Variants in ALDH4A1 observed in about 807,000 individuals in gnomAD.
The protein encoded by ALDH4A1 is delta-1-pyrroline-5-carboxylate dehydrogenase, mitochondrial.
Under a neutral mutation model 70.5 loss-of-function variants are expected in ALDH4A1, and 46 were observed. The ratio of observed to expected loss-of-function variants is 0.65; its 90% CI spans 0.51 to 0.83. The LOEUF is 0.83. ALDH4A1 is among the 40% of genes least tolerant of loss of function. ALDH4A1 has a pLI of 0.00. For missense variants in ALDH4A1, 749 were observed against 766.5 expected (o/e 0.98, Z 0.27); for synonymous variants, 323 against 324.3 (o/e 1.00, Z 0.04).
In ALDH4A1 at chr1:18,886,457, C is replaced by G. The variant is rs765930384; in HGVS notation, c.297+7G>C. The G allele has an allele frequency of 6.2e-7, 1 of 1,614,030 alleles. No homozygotes were observed. The highest frequency in any genetic ancestry group is 1.3e-5 in the African/African-American group (1 of 74,922). ...CCCCGGGTCACCAGGCACACAGGCTCACTCACCTTGTCTGCATAACAGAAC... is the reference window on the plus strand; with the variant it reads ...CCCCGGGTCACCAGGCACACAGGCTGACTCACCTTGTCTGCATAACAGAAC... On this transcript the variant is annotated splice_region_variant and intron_variant, in intron 4 of 14. Coordinates refer to ENST00000375341, the MANE Select transcript of ALDH4A1 (RefSeq NM_003748.4).
intron 1 of ALDH4A1, among the ~76,000 whole-genome samples, chr1:18,900,234 T>C (rs1291718938): frequency 6.6e-6 from 1 of 152,180 alleles, no homozygotes; most frequent in Non-Finnish European, 1.5e-5. Context: ...CTAAGAAGCA[T>C]CTCCTATACC....
intron 3 of ALDH4A1, 27 bp from the exon 4 acceptor site, chr1:18,886,538 T>C: frequency 6.2e-7 from 1 of 1,613,078 alleles, no homozygotes; most frequent in Non-Finnish European, 8.5e-7. Context: ...GTGAGGTCCT[T>C]GCCCGGGAGG....
At chr1:18,890,493 G>C (rs1935392928) in intron 1 of ALDH4A1, among the ~76,000 whole-genome samples, 1 of 152,182 alleles carries the variant, frequency 6.6e-6, no homozygotes, top group Non-Finnish European at 1.5e-5. Flanking sequence ...GTTGCAGTGA[G>C]CCGAGATCGT....
At chr1:18,889,522 G>T (rs375498281) in intron 2 of ALDH4A1, 68 bp from the exon 3 acceptor site, 5 of 1,399,010 alleles carry the variant, frequency 3.6e-6, no homozygotes, top group East Asian at 2.5e-5. Flanking sequence ...AAACCCTAAC[G>T]CAGAGTCCAC....
chr1:18,892,563 G>GC (rs1935478083), intron 1 of ALDH4A1, among the ~76,000 whole-genome samples: 1 of 151,722 alleles, frequency 6.6e-6, no homozygotes, highest in African/African-American at 2.4e-5. Context: ...GGAGGCGGGG[G>GC]GGGGCTGAGA....
chr1:18,902,384 C>CG, intron 1 of ALDH4A1, 78 bp downstream of exon 1: 2 of 1,192,914 alleles, frequency 1.7e-6, no homozygotes, highest in Non-Finnish European at 2.2e-6. Context: ...GAGTGCGGCG[C>CG]GGGGGACGCC....
At position 18,875,452 on chromosome 1, in the gene ALDH4A1, TG is replaced by T. The variant is rs754559883; in HGVS notation, c.1389del (p.Tyr463Ter). The T allele has an allele frequency of 2.5e-6, 4 of 1,614,130 alleles. No individual in the cohort carries two copies. Among genetic ancestry groups the T allele is most frequent in the Non-Finnish European group, 2.5e-6 (3 of 1,180,004 alleles). ...LSVYVYPDDK[Y>X]KETLQLVDST... ...CTGTCAACCAGCTGCAGCGTCTCCTTGTACTTGTCATCCGGGTAGACGTACA... is the reference window on the plus strand; with the variant it reads ...CTGTCAACCAGCTGCAGCGTCTCCTTTACTTGTCATCCGGGTAGACGTACA... On this transcript the variant is annotated frameshift_variant, in exon 13 of 15. Coordinates refer to ENST00000375341, the MANE Select transcript of ALDH4A1 (RefSeq NM_003748.4). LOFTEE classifies it high-confidence loss of function.
chr1:18,898,501 G>A lies in ALDH4A1; in HGVS notation c.62+3961C>T, dbSNP rs541970494. 6.6e-6 allele frequency among the ~76,000 whole-genome samples: 1 copy of A among 152,316 alleles called. No homozygotes were observed. The highest frequency in any genetic ancestry group is 2.1e-4 in the South Asian group (1 of 4,828). On this transcript the variant is annotated intron_variant, in intron 1 of 14. Transcript: ENST00000375341. This position sits in a 1 kb window ranked among gnomAD's most constrained non-coding sequence, Gnocchi z 4.3. ...TTCCTGATCGAAGATGATCACTCCA[G>A]GAAGCCCATTGGTGGGAGAGGGGGA...
intron 1 of ALDH4A1, among the ~76,000 whole-genome samples, chr1:18,891,795 A>C (rs1256024827): frequency 6.6e-6 from 1 of 152,206 alleles, no homozygotes; most frequent in Non-Finnish European, 1.5e-5. Context: ...TGGGAGGCCA[A>C]GGTGGGCGGA....
rs779387060 is a variant in ALDH4A1 at position 18,883,319 on chromosome 1, A to C, written c.563T>G (p.Val188Gly). 1.9e-6 allele frequency: 3 copies of C among 1,613,170 alleles called. No individual in the cohort carries two copies. Among genetic ancestry groups the C allele is most frequent in the Non-Finnish European group, 8.5e-7 (1 of 1,180,050 alleles). The change falls in exon 6 of 15, where the codon GTG becomes GGG. Residue 188 changes from valine to glycine, a missense_variant. Transcript: ENST00000375341. ...VELEGQQPIS[V>G]PPSTNSTVYR... ...CACCGTGCTGTTGGTGCTCGGGGGC[A>C]CGCTGATGGGCTGCTGCCCCTCCAG...
rs773230705 is a variant in ALDH4A1, at chr1:18,883,257, G to A, written c.603+22C>T. On this transcript the variant is annotated intron_variant, in intron 6 of 14. Transcript: ENST00000375341. ...TGGCATTGGGCTGCCCCGCCTGCTC[G>A]CCCACTGCCTCCTGCAGGTACCTCC... 2.6e-5 allele frequency: 42 copies of A among 1,613,024 alleles called. No homozygotes were observed. In the Admixed American group the frequency reaches 2.7e-4, roughly 10 times the overall value.
intron 3 of ALDH4A1, 56 bp downstream of exon 3, chr1:18,889,306 G>GA (rs1935341040): frequency 6.8e-7 from 1 of 1,465,526 alleles, no homozygotes; most frequent in Non-Finnish European, 9.4e-7. Flanking sequence ...AGCTGTCAGA[G>GA]AAAGAGGTCA....
intron 8 of ALDH4A1, 80 bp downstream of exon 8, chr1:18,881,620 G>GC: frequency 6.6e-7 from 1 of 1,518,340 alleles, no homozygotes; most frequent in Non-Finnish European, 9.1e-7. Flanking sequence ...TGGGTTCACA[G>GC]CCCCATCCCC....
intron 8 of ALDH4A1, among the ~76,000 whole-genome samples, chr1:18,879,930 A>G (rs968489467): frequency 6.6e-6 from 1 of 152,184 alleles, no homozygotes; most frequent in Non-Finnish European, 1.5e-5. Context: ...AGTGTGACCA[A>G]CCTCAGCACC....
chr1:18,878,764 C>T (rs35285457), intron 9 of ALDH4A1, among the ~76,000 whole-genome samples: 19,014 of 152,156 alleles, frequency 0.12, 1,607 homozygotes, highest in East Asian at 0.38. Flanking sequence ...TTTAACACCA[C>T]ACATGCCAAA....
Position 18,872,090 on chromosome 1 carries a change from G to A in ALDH4A1, c.*755C>T, listed in dbSNP as rs918736652. ...GTAGGGCCTGAGGATCAAAGGGAAG[G>A]CTGACATAGGACGAAGGCCCATCCA... On this transcript the variant is annotated 3_prime_UTR_variant, in exon 15 of 15. Transcript: ENST00000375341. The A allele has an allele frequency of 1.3e-5, 2 of 152,338 alleles. No homozygotes were observed. Among genetic ancestry groups the A allele is most frequent in the African/African-American group, 2.4e-5 (1 of 41,474 alleles). 9.4% of individuals were successfully genotyped at this position (152,338 alleles called of 1,614,324 possible).
rs141419279 is a variant in ALDH4A1 at position 18,883,278 on chromosome 1, C to T, written c.603+1G>A. On this transcript the variant is annotated splice_donor_variant, in intron 6 of 14. Coordinates refer to ENST00000375341, the MANE Select transcript of ALDH4A1 (RefSeq NM_003748.4). LOFTEE classifies it high-confidence loss of function. Reference sequence around the variant, plus strand: ...GCTCGCCCACTGCCTCCTGCAGGTACCTCCAGACCCCGGTACACCGTGCTG... The same window carrying T: ...GCTCGCCCACTGCCTCCTGCAGGTATCTCCAGACCCCGGTACACCGTGCTG... The T allele has an allele frequency of 1.2e-6, 2 of 1,613,210 alleles. No individual in the cohort carries two copies. Among genetic ancestry groups the T allele is most frequent in the African/African-American group, 2.7e-5 (2 of 75,076 alleles).
chr1:18,873,907 T>C (rs1036907602), intron 14 of ALDH4A1, among the ~76,000 whole-genome samples: 8 of 152,212 alleles, frequency 5.3e-5, no homozygotes, highest in African/African-American at 1.9e-4. Context: ...GTCCCAGTAC[T>C]TGTGATTGGC....
rs534264278 is a variant in ALDH4A1 at position 18,880,185 on chromosome 1, G to A, written c.867-812C>T. On this transcript the variant is annotated intron_variant, in intron 8 of 14. Transcript: ENST00000375341. The surrounding 1 kb of genome is among the most constrained non-coding windows in gnomAD (Gnocchi z 5.1). ...CCACTCCCACCCCCAGCAAAGCTGC[G>A]GGGAAGGGGGTGGCAGAGCCTGGGG... Among the ~76,000 whole-genome samples the A allele has an allele frequency of 3.7e-4, 57 of 152,232 alleles. No homozygotes were observed. Among genetic ancestry groups the A allele is most frequent in the African/African-American group, 1.3e-3 (52 of 41,546 alleles).
Sources: gnomAD v4.1 joint callset for allele counts (sites outside exome capture counted in the v4.1 genomes callset) on GRCh38, gnomAD v4.1.1 for gene constraint, Gnocchi (gnomAD v3.1) non-coding constraint, MANE v1.5 for transcripts, NCBI Gene and HGNC (gene_info 2026-07-23, HGNC 2026-07-21) for gene names.